ACTR3C: variants seen among roughly 807,000 people sequenced by gnomAD.
The protein encoded by ACTR3C is actin related protein 3C, also known as actin-related protein 3C.
ACTR3C carries 18 observed loss-of-function variants against 26.3 expected under a neutral mutation model. The observed-to-expected ratio is 0.68, with a 90% CI of 0.47 to 1.01. The LOEUF is 1.01. Ranked by LOEUF, ACTR3C falls within the 50% of genes least tolerant of loss-of-function variation. The probability of loss-of-function intolerance (pLI) is 0.00; values close to 1 mark genes in which losing one functional copy is unlikely to be tolerated. For synonymous variants in ACTR3C, 55 were observed against 94.5 expected, an observed-to-expected ratio of 0.58 and a Z score of 2.42; for missense variants, 184 against 250.7, an observed-to-expected ratio of 0.73 and a Z score of 1.80.
At chr7:149,979,678 GATACA>G in the ACTR3C span, among the ~76,000 whole-genome samples, 12 of 151,252 alleles carry the variant, frequency 7.9e-5, no homozygotes, top group African/African-American at 2.7e-4. Flanking sequence ...AAATTTAAAT[GATACA>G]ATAACAGAGT....
At chr7:150,234,559 A>G in the ACTR3C span, among the ~76,000 whole-genome samples, 9,394 of 152,146 alleles carry the variant, frequency 0.062, 518 homozygotes, top group African/African-American at 0.15. Flanking sequence ...ACTCTCACGC[A>G]ACTCCACACT....
chr7:150,078,618 C>A, the ACTR3C span, among the ~76,000 whole-genome samples: 2 of 151,748 alleles, frequency 1.3e-5, no homozygotes, highest in East Asian at 3.9e-4. Context: ...TTGAATTCTC[C>A]TCCCCTTAGA....
the ACTR3C span, chr7:150,073,735 A>AAG: frequency 6.6e-6 from 1 of 150,950 alleles, no homozygotes; most frequent in South Asian, 2.1e-4. Flanking sequence ...GTGGACTCTG[A>AAG]AGAGGTATCT....
At chr7:150,289,299 A>C in intron 4 of ACTR3C, 151 bp downstream of exon 4, 1 of 1,345,682 alleles carries the variant, frequency 7.4e-7, no homozygotes. Flanking sequence ...TTACATCTTC[A>C]GCCCACTTAA....
chr7:149,934,671 G>C, the ACTR3C span, among the ~76,000 whole-genome samples: 1 of 149,630 alleles, frequency 6.7e-6, no homozygotes, highest in African/African-American at 2.5e-5. Context: ...CTAGACCAAG[G>C]CCTCCCTCCA....
intron 1 of ACTR3C, among the ~76,000 whole-genome samples, chr7:150,316,274 A>C (rs769250314): frequency 6.6e-6 from 1 of 152,186 alleles, no homozygotes. Flanking sequence ...TAAGCAATAC[A>C]TTGGGCCTGT....
the ACTR3C span, among the ~76,000 whole-genome samples, chr7:150,059,243 G>A: frequency 3.9e-5 from 6 of 152,160 alleles, no homozygotes; most frequent in South Asian, 2.1e-4. Context: ...CAGAGCTCCC[G>A]AGAGGGCCAA....
chr7:150,090,603 A>G, the ACTR3C span, among the ~76,000 whole-genome samples: 4 of 151,026 alleles, frequency 2.6e-5, no homozygotes, highest in East Asian at 1.9e-4. Context: ...CCTTCAAAGG[A>G]AAATAGATGA....
At chr7:150,045,027 A>T in the ACTR3C span, 1 of 152,212 alleles carries the variant, frequency 6.6e-6, no homozygotes, top group Admixed American at 6.5e-5. Context: ...TGAAAAGGAA[A>T]GCCTCGGTTT....
chr7:150,213,692 A>C, the ACTR3C span, among the ~76,000 whole-genome samples: 1 of 151,824 alleles, frequency 6.6e-6, no homozygotes, highest in African/African-American at 2.4e-5. Context: ...AGGAGACAGG[A>C]GGTATTTTGG....
chr7:150,040,075 G>A, the ACTR3C span, among the ~76,000 whole-genome samples: 1 of 141,390 alleles, frequency 7.1e-6, no homozygotes, highest in African/African-American at 2.9e-5. Context: ...CCCCCACTGC[G>A]ATGGGAGTCC....
chr7:150,190,807 T>C, the ACTR3C span, among the ~76,000 whole-genome samples: 9 of 152,168 alleles, frequency 5.9e-5, no homozygotes, highest in African/African-American at 2.2e-4. Context: ...TCAGCACAGC[T>C]GGGGAGGCCT....
intron 1 of ACTR3C, among the ~76,000 whole-genome samples, chr7:150,310,179 G>A (rs1796182613): frequency 6.6e-6 from 1 of 152,134 alleles, no homozygotes; most frequent in African/African-American, 2.4e-5. Flanking sequence ...CCTCACTGCT[G>A]TCCTTTTGCC....
At chr7:150,152,595 A>C in the ACTR3C span, among the ~76,000 whole-genome samples, 1 of 152,154 alleles carries the variant, frequency 6.6e-6, no homozygotes, top group Non-Finnish European at 1.5e-5. Context: ...TTGGTCTAAA[A>C]TTCTCCTTTT....
At chr7:150,128,218 C>G in the ACTR3C span, among the ~76,000 whole-genome samples, 1 of 152,052 alleles carries the variant, frequency 6.6e-6, no homozygotes, top group African/African-American at 2.4e-5. Context: ...CAAGTGAGAT[C>G]AAACCCTCCT....
chr7:150,310,243 A>C (rs973899983), intron 1 of ACTR3C, among the ~76,000 whole-genome samples: 1 of 152,026 alleles, frequency 6.6e-6, no homozygotes, highest in East Asian at 1.9e-4. Context: ...CTTAATCCAC[A>C]AGTATGGGAT....
At chr7:149,897,327 G>A in the ACTR3C span, among the ~76,000 whole-genome samples, 1 of 152,184 alleles carries the variant, frequency 6.6e-6, no homozygotes, top group African/African-American at 2.4e-5. Flanking sequence ...TTTGGTTTGT[G>A]AGCGAAAGCA....
the ACTR3C span, among the ~76,000 whole-genome samples, chr7:150,106,965 A>C: frequency 6.9e-6 from 1 of 145,948 alleles, no homozygotes. Context: ...AGGGTAGAGG[A>C]ATGAAATGAA....
At chr7:150,291,585 C>T (rs1354945701) in intron 3 of ACTR3C, among the ~76,000 whole-genome samples, 2 of 152,290 alleles carry the variant, frequency 1.3e-5, no homozygotes, top group South Asian at 2.1e-4. Context: ...AAAAACTGAA[C>T]TAAGATACGA....
Sources: allele counts gnomAD v4.1 joint callset (sites outside exome capture counted in the v4.1 genomes callset), GRCh38; gene constraint gnomAD v4.1.1; transcripts MANE v1.5; gene names NCBI Gene and HGNC (gene_info 2026-07-23, HGNC 2026-07-21).